Variants in MAP3K3 observed in about 807,000 individuals in gnomAD.
The protein encoded by MAP3K3 is MAP/ERK kinase kinase 3.
Under a neutral mutation model 80.9 loss-of-function variants are expected in MAP3K3, and 12 were observed. That is an observed-to-expected ratio of 0.15 (90% CI 0.10 to 0.24). MAP3K3 has a LOEUF of 0.24. Among genes scored for constraint, MAP3K3 ranks in the 10% least tolerant of loss-of-function variants. The pLI is 1.00. For missense variants in MAP3K3, 596 were observed against 834.7 expected (o/e 0.71, Z 3.52); for synonymous variants, 272 against 307.1 (o/e 0.89, Z 1.19).
chr17:63,627,589 C>T (rs931826764), intron 1 of MAP3K3, among the ~76,000 whole-genome samples: 10 of 151,348 alleles, frequency 6.6e-5, no homozygotes, highest in African/African-American at 1.9e-4. Flanking sequence ...ATTACAGGCA[C>T]CGGCCACCAT....
chr17:63,677,824 C>T (rs376081084), intron 6 of MAP3K3, among the ~76,000 whole-genome samples: 8 of 152,172 alleles, frequency 5.3e-5, no homozygotes, highest in South Asian at 4.1e-4. Context: ...GCTATGAACA[C>T]GCCACTGCAC....
At chr17:63,686,836 T>C (rs1377795987) in intron 8 of MAP3K3, among the ~76,000 whole-genome samples, 1 of 152,186 alleles carries the variant, frequency 6.6e-6, no homozygotes, top group Non-Finnish European at 1.5e-5. Flanking sequence ...TGACTTGGGC[T>C]CAGGGCTTTC....
chr17:63,629,022 T>C (rs1421789444), intron 1 of MAP3K3, among the ~76,000 whole-genome samples: 1 of 152,194 alleles, frequency 6.6e-6, no homozygotes, highest in Non-Finnish European at 1.5e-5. Context: ...ATGAGGAAAT[T>C]GAGGTTTGGA....
intron 5 of MAP3K3, among the ~76,000 whole-genome samples, chr17:63,664,087 A>C (rs959093338): frequency 7.5e-6 from 1 of 133,616 alleles, no homozygotes; most frequent in Non-Finnish European, 1.6e-5. Context: ...CTAAAAATAC[A>C]AAAAAAAAAA....
At chr17:63,630,843 T>G (rs1213899901) in intron 1 of MAP3K3, among the ~76,000 whole-genome samples, 2 of 152,210 alleles carry the variant, frequency 1.3e-5, no homozygotes, top group Non-Finnish European at 2.9e-5. Context: ...GAAGTTATGC[T>G]CCTGGTGGTT....
In MAP3K3 at chr17:63,689,630, G is replaced by A. The variant is rs767436855; in HGVS notation, c.958G>A (p.Glu320Lys). ...CAGCCGCTCCCTGAGCACAAATGGC[G>A]AGAACATGGGTCTGGCTGTGCAATA... is the stretch of plus-strand genomic sequence containing the variant. Reference protein sequence around the residue: ...PSSRSLSTNGENMGLAVQYLD... With the variant: ...PSSRSLSTNGKNMGLAVQYLD... The change falls in exon 11 of 16, where the codon GAG becomes AAG. Residue 320 changes from glutamate to lysine, a missense_variant. Physicochemically the swap from Glu to Lys is moderately conservative, Grantham distance 56. Coordinates refer to ENST00000361733, the MANE Select transcript of MAP3K3 (RefSeq NM_002401.5). This position sits in a 1 kb window ranked among gnomAD's most constrained non-coding sequence, Gnocchi z 4.3. 1.9e-6 allele frequency: 3 copies of A among 1,613,912 alleles called. No individual in the cohort carries two copies. Among genetic ancestry groups the A allele is most frequent in the African/African-American group, 1.3e-5 (1 of 74,922 alleles).
At position 63,693,654 on chromosome 17, in the gene MAP3K3, T is replaced by C. The variant is rs780230406; in HGVS notation, c.1758T>C (p.Pro586=). The C allele has an allele frequency of 1.2e-6, 2 of 1,609,732 alleles. No homozygotes were observed. Among genetic ancestry groups the C allele is most frequent in the South Asian group, 2.2e-5 (2 of 90,798 alleles). Reference sequence around the variant, plus strand: ...AGATTGCCACCCAGCCCACCAATCCTCAGCTGCCCTCCCACATCTCTGAAC... The same window carrying C: ...AGATTGCCACCCAGCCCACCAATCCCCAGCTGCCCTCCCACATCTCTGAAC... ...IFKIATQPTN[P]QLPSHISEHG... Residue 586 remains proline (P), a synonymous_variant, in exon 16 of 16, where the codon CCT becomes CCC. Transcript: ENST00000361733. The surrounding 1 kb of genome is among the most constrained non-coding windows in gnomAD (Gnocchi z 4.2).
At chr17:63,645,139 ATAT>A (rs1568128910) in intron 2 of MAP3K3, among the ~76,000 whole-genome samples, 1 of 152,210 alleles carries the variant, frequency 6.6e-6, no homozygotes, top group Non-Finnish European at 1.5e-5. Context: ...TTAAGCACAA[ATAT>A]TATATGCCAT....
chr17:63,622,856 A>C (rs1056744181), intron 1 of MAP3K3, 93 bp downstream of exon 1: 1 of 288,324 alleles, frequency 3.5e-6, no homozygotes, highest in South Asian at 2.8e-5. Context: ...ACCGCCTGAC[A>C]GGCATGGACA....
In MAP3K3 at chr17:63,689,496, G is replaced by T. The variant is rs576735136; in HGVS notation, c.872-48G>T. ...AGACCTGGTTTGTACGTTCCGCCTC[G>T]TAGCCTGGGGTGTGACTTGCTCTCC... On this transcript the variant is annotated intron_variant, in intron 10 of 15. Transcript: ENST00000361733. This position sits in a 1 kb window ranked among gnomAD's most constrained non-coding sequence, Gnocchi z 4.3. The T allele has an allele frequency of 6.5e-7, 1 of 1,547,678 alleles. No individual in the cohort carries two copies. Among genetic ancestry groups the T allele is most frequent in the South Asian group, 1.2e-5 (1 of 84,034 alleles).
At chr17:63,690,598 C>T (rs1201825871) in intron 12 of MAP3K3, 186 bp downstream of exon 12, 2 of 632,694 alleles carry the variant, frequency 3.2e-6, no homozygotes, top group Non-Finnish European at 5.4e-6. Flanking sequence ...CACCAAGCAC[C>T]TGGAGGGGAG....
intron 12 of MAP3K3, chr17:63,690,618 G>T (rs2035565656): frequency 1.7e-6 from 1 of 583,348 alleles, no homozygotes. Flanking sequence ...GGGATTGGGT[G>T]TAAGGAACTA....
At chr17:63,671,672 G>A (rs1016494269) in intron 6 of MAP3K3, among the ~76,000 whole-genome samples, 4 of 152,128 alleles carry the variant, frequency 2.6e-5, no homozygotes, top group Non-Finnish European at 5.9e-5. Context: ...TGGCTTAATG[G>A]CATGTGTGCT....
At position 63,655,926 on chromosome 17, in the gene MAP3K3, A is replaced by G. The variant is rs185112612; in HGVS notation, c.268-1868A>G. On this transcript the variant is annotated intron_variant, in intron 4 of 15. Transcript: ENST00000361733. Reference sequence around the variant, plus strand: ...ATTCCATAAGTAGTTTTGAGATTTTATTTTAAATATGTACTGTTTTTGGCG... The same window carrying G: ...ATTCCATAAGTAGTTTTGAGATTTTGTTTTAAATATGTACTGTTTTTGGCG... Among the ~76,000 whole-genome samples the G allele has an allele frequency of 3.9e-5, 6 of 152,214 alleles. No homozygotes were observed. In the East Asian group the frequency reaches 9.6e-4, roughly 24 times the overall value.
rs367828176 is a variant in MAP3K3, at chr17:63,650,696, G to T, written c.168-1861G>T. Among the ~76,000 whole-genome samples, 109 of 112,452 alleles carry T rather than the reference G, an allele frequency of 9.7e-4. 1 individual carries two copies. Among genetic ancestry groups the T allele is most frequent in the African/African-American group, 3.4e-3 (93 of 27,108 alleles). 73.8% of individuals were successfully genotyped at this position (112,452 alleles called of 152,430 possible). Reference sequence around the variant, plus strand: ...AGAGAGAGAGAGAGAGAGAGAGAGAGTTTTTTTTTTTTTTAGACAGGGTCT... The same window carrying T: ...AGAGAGAGAGAGAGAGAGAGAGAGATTTTTTTTTTTTTTTAGACAGGGTCT... On this transcript the variant is annotated intron_variant, in intron 3 of 15. Coordinates refer to ENST00000361733, the MANE Select transcript of MAP3K3 (RefSeq NM_002401.5).
chr17:63,691,302 G>T lies in MAP3K3; in HGVS notation c.1344+69G>T. 6.2e-7 allele frequency: 1 copy of T among 1,604,180 alleles called. No homozygotes were observed. Among genetic ancestry groups the T allele is most frequent in the Non-Finnish European group, 8.5e-7 (1 of 1,173,862 alleles). On this transcript the variant is annotated intron_variant, in intron 13 of 15. Transcript: ENST00000361733. This position sits in a 1 kb window ranked among gnomAD's most constrained non-coding sequence, Gnocchi z 4.8. ...CCTGACCTGGGGGCTGGGGCCTGCA[G>T]GAGGGGGGTCACCTTGGATAGGAGT...
intron 1 of MAP3K3, among the ~76,000 whole-genome samples, chr17:63,627,538 GT>G (rs1160498701): frequency 1.3e-5 from 2 of 151,914 alleles, no homozygotes; most frequent in East Asian, 3.9e-4. Flanking sequence ...TGCCTCCCGG[GT>G]TCAAGCAATT....
At chr17:63,643,773 A>C (rs1440977942) in intron 2 of MAP3K3, among the ~76,000 whole-genome samples, 1 of 152,210 alleles carries the variant, frequency 6.6e-6, no homozygotes, top group Non-Finnish European at 1.5e-5. Context: ...TTGAGGAAAT[A>C]GTGTGGGAAG....
rs139920227 is a variant in MAP3K3, at chr17:63,688,818, G to C, written c.808G>C (p.Val270Leu). The C allele has an allele frequency of 6.2e-7, 1 of 1,613,948 alleles. No individual in the cohort carries two copies. Among genetic ancestry groups the C allele is most frequent in the South Asian group, 1.1e-5 (1 of 91,074 alleles). The change falls in exon 10 of 16, where the codon GTC becomes CTC. Residue 270 changes from valine to leucine, a missense_variant. By Grantham distance (32) the Val-to-Leu change is conservative (BLOSUM62 1). Transcript: ENST00000361733. Reference sequence around the variant, plus strand: ...GGAAACTCAGCTTTATGACAAAGGGGTCAAAGGTGGAACCTACCCCCGGCG... The same window carrying C: ...GGAAACTCAGCTTTATGACAAAGGGCTCAAAGGTGGAACCTACCCCCGGCG... ...DRETQLYDKGVKGGTYPRRYH... is the reference protein window; with the variant it reads ...DRETQLYDKGLKGGTYPRRYH...
Sources: allele counts gnomAD v4.1 joint callset (sites outside exome capture counted in the v4.1 genomes callset), GRCh38; gene constraint gnomAD v4.1.1; non-coding constraint Gnocchi (gnomAD v3.1); transcripts MANE v1.5; gene names NCBI Gene and HGNC (gene_info 2026-07-23, HGNC 2026-07-21).